The following PREP variants were observed in gnomAD, a reference collection of about 807,000 sequenced individuals.
PREP encodes prolyl endopeptidase.
In PREP, 29 loss-of-function variants were observed where a neutral mutation model predicts 87.6. The observed-to-expected ratio is 0.33, with a 90% CI of 0.25 to 0.45. The LOEUF (loss-of-function observed/expected upper bound fraction) is 0.45. PREP is among the 20% of genes least tolerant of loss of function. PREP has a pLI of 1.00. For synonymous variants in PREP, 337 were observed against 328.6 expected (o/e 1.03, Z -0.28); for missense variants, 695 against 886.5 (o/e 0.78, Z 2.74).
At chr6:105,387,187 G>A (rs1055521022) in intron 2 of PREP, among the ~76,000 whole-genome samples, 5 of 151,594 alleles carry the variant, frequency 3.3e-5, no homozygotes, top group East Asian at 3.9e-4. Context: ...ACTGCACTGC[G>A]GCCTGGGTGA....
At chr6:105,363,654 T>C (rs539944003) in intron 6 of PREP, among the ~76,000 whole-genome samples, 3 of 152,150 alleles carry the variant, frequency 2.0e-5, no homozygotes, top group Non-Finnish European at 2.9e-5. Context: ...AGTGAACACA[T>C]CCTGTACCTC....
intron 10 of PREP, among the ~76,000 whole-genome samples, chr6:105,302,171 T>C (rs1350710349): frequency 6.6e-6 from 1 of 152,188 alleles, no homozygotes; most frequent in Non-Finnish European, 1.5e-5. Flanking sequence ...GGAACCCTGC[T>C]ACACGCGGAG....
At chr6:105,314,494 A>G (rs1422427735) in intron 10 of PREP, among the ~76,000 whole-genome samples, 5 of 152,242 alleles carry the variant, frequency 3.3e-5, no homozygotes, top group Admixed American at 6.5e-5. Flanking sequence ...CATTTCAACA[A>G]TGTTCACAGC....
Position 105,275,967 on chromosome 6 carries a change from T to G in PREP, c.*2177A>C, listed in dbSNP as rs1769923044. On this transcript the variant is annotated 3_prime_UTR_variant, in exon 15 of 15. Transcript: ENST00000652536. ...CCTAGTGTTAGATCAGTAGGGTGTC[T>G]ATAGTTTACAATAATCTACTGTGCA... Among the ~76,000 whole-genome samples the G allele has an allele frequency of 6.6e-6, 1 of 152,214 alleles. No individual in the cohort carries two copies. Among genetic ancestry groups the G allele is most frequent in the African/African-American group, 2.4e-5 (1 of 41,452 alleles).
At chr6:105,327,530 C>T (rs1372353115) in intron 9 of PREP, among the ~76,000 whole-genome samples, 1 of 152,136 alleles carries the variant, frequency 6.6e-6, no homozygotes, top group East Asian at 1.9e-4. Flanking sequence ...CTGACAGCAA[C>T]CTACCACCAC....
chr6:105,363,384 C>T (rs1772301696), intron 6 of PREP, among the ~76,000 whole-genome samples: 1 of 152,062 alleles, frequency 6.6e-6, no homozygotes, highest in African/African-American at 2.4e-5. Flanking sequence ...TAAAACAGAG[C>T]TTTGTGGGTT....
chr6:105,282,539 C>A lies in PREP; in HGVS notation c.1593G>T (p.Gln531His). Residue 531 changes from glutamine to histidine, a missense_variant, in exon 13 of 15, where the codon CAG (glutamine) becomes CAT (histidine). Physicochemically the swap from Gln to His is conservative, Grantham distance 24 (BLOSUM62 0). Transcript: ENST00000652536. ...CCTTGATCAGATACTCAGCAGCACA[C>A]TGAAAGTCATCAAAGCAGTTTTGTT... ...ANKQNCFDDF[Q>H]CAAEYLIKEG... 1.9e-6 allele frequency: 3 copies of A among 1,614,158 alleles called. No homozygotes were observed. The highest frequency in any genetic ancestry group is 2.5e-6 in the Non-Finnish European group (3 of 1,180,014).
intron 6 of PREP, among the ~76,000 whole-genome samples, chr6:105,353,497 G>A (rs773417261): frequency 1.4e-4 from 21 of 152,114 alleles, no homozygotes; most frequent in South Asian, 4.1e-4. Context: ...GGGGCCGGGC[G>A]CAGTGGTTCA....
At chr6:105,341,178 A>G (rs544897259) in intron 7 of PREP, among the ~76,000 whole-genome samples, 19 of 152,394 alleles carry the variant, frequency 1.2e-4, no homozygotes, top group African/African-American at 4.6e-4. Context: ...AGAAATTATA[A>G]CAAACGGTAT....
At chr6:105,370,672 T>C (rs1464400817) in intron 5 of PREP, among the ~76,000 whole-genome samples, 2 of 152,182 alleles carry the variant, frequency 1.3e-5, no homozygotes, top group South Asian at 2.1e-4. Flanking sequence ...ATTCAAACAA[T>C]GACTATTTAA....
At chr6:105,377,916 A>G (rs934312704) in intron 2 of PREP, among the ~76,000 whole-genome samples, 4 of 152,190 alleles carry the variant, frequency 2.6e-5, no homozygotes, top group Non-Finnish European at 5.9e-5. Context: ...GTTGGCTCCC[A>G]GATCCACGCT....
In PREP at chr6:105,402,852, T is replaced by A; in HGVS notation, c.40A>T (p.Thr14Ser). 6.5e-7 allele frequency: 1 copy of A among 1,544,578 alleles called. No homozygotes were observed. Among genetic ancestry groups the A allele is most frequent in the South Asian group, 1.2e-5 (1 of 83,444 alleles). ...LQYPDVYRDE[T>S]AVQDYHGHKI... The stretch of plus-strand genomic sequence containing the variant: ...GCGGAGGCAGAGATACTTACGGCGG[T>A]CTCGTCGCGGTACACGTCGGGGTAC... Residue 14 changes from threonine to serine, a missense_variant, in exon 1 of 15, where the codon ACC becomes TCC. Coordinates refer to ENST00000652536, the MANE Select transcript of PREP (RefSeq NM_002726.5).
chr6:105,397,728 T>C (rs1773322074), intron 2 of PREP, 125 bp downstream of exon 2: 1 of 740,280 alleles, frequency 1.4e-6, no homozygotes, highest in Non-Finnish European at 2.4e-6. Flanking sequence ...TAACAACAGG[T>C]ATACTCACCA....
intron 14 of PREP, chr6:105,279,079 G>GTAAGT (rs1554203455): frequency 1.3e-5 from 2 of 152,098 alleles, no homozygotes; most frequent in African/African-American, 2.4e-5. Context: ...AGTTTCCTGG[G>GTAAGT]TAAGTTAACA....
At chr6:105,385,262 T>C (rs1238881346) in intron 2 of PREP, among the ~76,000 whole-genome samples, 1 of 146,518 alleles carries the variant, frequency 6.8e-6, no homozygotes, top group African/African-American at 2.5e-5. Context: ...AGCATGAAAC[T>C]TAGACTTCCT....
rs1461216421 is a variant in PREP, at chr6:105,328,835, A to T, written c.1207T>A (p.Ser403Thr). ...EIFYQFTSFLSPGIIYHCDLT... is the reference protein window; with the variant it reads ...EIFYQFTSFLTPGIIYHCDLT... Reference sequence around the variant, plus strand: ...ACAGTGAAAAAACACTTACCTGGAGATAAAAAGGAAGTAAACTGATAGAAG... The same window carrying T: ...ACAGTGAAAAAACACTTACCTGGAGTTAAAAAGGAAGTAAACTGATAGAAG... The change falls in exon 9 of 15, where the codon TCT becomes ACT. Residue 403 changes from serine (S) to threonine (T), a missense_variant. Physicochemically the swap from Ser to Thr is moderately conservative, Grantham distance 58 (BLOSUM62 1). This residue lies in a region of PREP where 517 missense variants were observed against 620.3 expected (regional missense o/e 0.83). Transcript: ENST00000652536. 10 of 1,614,124 alleles carry T rather than the reference A, an allele frequency of 6.2e-6. No homozygotes were observed. The highest frequency in any genetic ancestry group is 7.6e-6 in the Non-Finnish European group (9 of 1,179,972).
chr6:105,335,501 C>T (rs1771455041), intron 7 of PREP, among the ~76,000 whole-genome samples: 1 of 152,070 alleles, frequency 6.6e-6, no homozygotes, highest in South Asian at 2.1e-4. Context: ...GGATTAAAAC[C>T]CCAGTTCTAA....
chr6:105,396,430 T>C (rs1355904363), intron 2 of PREP, among the ~76,000 whole-genome samples: 2 of 152,152 alleles, frequency 1.3e-5, no homozygotes, highest in African/African-American at 4.8e-5. Flanking sequence ...GATCATGTGG[T>C]TTACTCCCCT....
Position 105,288,797 on chromosome 6 carries a change from C to A in PREP, c.1415G>T (p.Gly472Val). Residue 472 changes from glycine to valine, a missense_variant, in exon 11 of 15, where the codon GGC becomes GTC. By Grantham distance (109) the Gly-to-Val change is moderately radical (BLOSUM62 -3). Around this residue, in one of 5 missense-constraint regions of PREP, gnomAD observed 517 missense variants for 620.3 expected, o/e 0.83. Transcript: ENST00000652536. ...LDGSHPAFLY[G>V]YGGFNISITP... is the part of the protein sequence containing the mutation. The stretch of plus-strand genomic sequence containing the variant: ...GATGGATATGTTGAAGCCGCCATAG[C>A]CATATAAGAAAGCTGGATGAGAGCC... The A allele has an allele frequency of 1.2e-6, 2 of 1,614,122 alleles. No individual in the cohort carries two copies. The highest frequency in any genetic ancestry group is 1.7e-6 in the Non-Finnish European group (2 of 1,180,002).
Sources: allele counts gnomAD v4.1 joint callset (sites outside exome capture counted in the v4.1 genomes callset), GRCh38; gene constraint gnomAD v4.1.1; regional missense constraint gnomAD v4.1.1; transcripts MANE v1.5; gene names NCBI Gene and HGNC (gene_info 2026-07-23, HGNC 2026-07-21).